The following GSE1 variants were observed in gnomAD, a reference collection of about 807,000 sequenced individuals.
The protein encoded by GSE1 is Gse1 coiled-coil protein.
GSE1 carries 32 observed loss-of-function variants against 112.6 expected under a neutral mutation model. The ratio of observed to expected loss-of-function variants is 0.28; its 90% CI spans 0.21 to 0.38. The LOEUF is 0.38. Ranked by LOEUF, GSE1 falls within the 10% of genes least tolerant of loss-of-function variation. The pLI is 1.00. For synonymous variants in GSE1, 1,115 were observed against 735.6 expected, an observed-to-expected ratio of 1.52 and a Z score of -8.35; for missense variants, 2,348 against 1,699.2, an observed-to-expected ratio of 1.38 and a Z score of -6.71.
intron 1 of GSE1, among the ~76,000 whole-genome samples, chr16:85,618,773 G>A (rs1009303743): frequency 1.3e-5 from 2 of 152,220 alleles, no homozygotes; most frequent in African/African-American, 4.8e-5. Context: ...TCCTGCTGCC[G>A]CAGCCTCCTG....
At chr16:85,471,332 T>G (rs1391120490) in intron 2 of GSE1, among the ~76,000 whole-genome samples, 10 of 152,252 alleles carry the variant, frequency 6.6e-5, no homozygotes, top group African/African-American at 2.4e-4. Context: ...TAGTCACAGT[T>G]TAAGATGAAG....
chr16:85,249,204 C>T (rs578021563), intron 1 of GSE1, among the ~76,000 whole-genome samples: 4 of 152,358 alleles, frequency 2.6e-5, no homozygotes, highest in Non-Finnish European at 4.4e-5. Flanking sequence ...GTGCAGACTT[C>T]ATGGTGCCCA....
intron 2 of GSE1, among the ~76,000 whole-genome samples, chr16:85,437,367 C>T (rs1400376064): frequency 6.6e-6 from 1 of 152,106 alleles, no homozygotes; most frequent in Non-Finnish European, 1.5e-5. Flanking sequence ...GCTTTTTTCC[C>T]TCTTCTCATT....
rs969883566 is a variant in GSE1, at chr16:85,643,845, C to T, written c.227-4707C>T. ...CATTGGCCCCAACTTTTCCCCTGGGCAGCAGGAGCCCGGATCATGAGCTCT... is the reference window on the plus strand; with the variant it reads ...CATTGGCCCCAACTTTTCCCCTGGGTAGCAGGAGCCCGGATCATGAGCTCT... On this transcript the variant is annotated intron_variant, in intron 2 of 15. Coordinates refer to ENST00000253458, the MANE Select transcript of GSE1 (RefSeq NM_014615.5). Among the ~76,000 whole-genome samples the T allele has an allele frequency of 2.0e-5, 3 of 152,094 alleles. 1 individual carries two copies. Among genetic ancestry groups the T allele is most frequent in the South Asian group, 4.1e-4 (2 of 4,822 alleles).
At chr16:85,624,114 C>T (rs1323361577) in intron 1 of GSE1, among the ~76,000 whole-genome samples, 1 of 152,226 alleles carries the variant, frequency 6.6e-6, no homozygotes, top group African/African-American at 2.4e-5. Context: ...CCTCCTCTTC[C>T]TGCTGGCCCA....
intron 1 of GSE1, among the ~76,000 whole-genome samples, chr16:85,557,380 C>G (rs1228625991): frequency 6.6e-6 from 1 of 151,930 alleles, no homozygotes; most frequent in Non-Finnish European, 1.5e-5. Flanking sequence ...CTTTGACACA[C>G]GGTACCTAAT....
In GSE1 at chr16:85,564,070, C is replaced by G. The variant is rs2045637942; in HGVS notation, c.37+7707C>G. 4.6e-5 allele frequency among the ~76,000 whole-genome samples: 7 copies of G among 152,310 alleles called. No individual in the cohort carries two copies. In the South Asian group the frequency reaches 1.2e-3, roughly 27 times the overall value. ...GCGTCAGTCCACTGGGCAGGAGCAG[C>G]AGAGGAGATCTATGTTTTATCTGTA... On this transcript the variant is annotated intron_variant, in intron 1 of 2. Coordinates refer to the GSE1 transcript ENST00000635906.
intron 1 of GSE1, among the ~76,000 whole-genome samples, chr16:85,218,510 C>G (rs560830001): frequency 6.6e-6 from 1 of 152,336 alleles, no homozygotes; most frequent in African/African-American, 2.4e-5. Flanking sequence ...ACGTGCCGCT[C>G]GTAGTGGTAA....
Position 85,672,522 on chromosome 16 carries a change from A to G in GSE1, c.3637A>G (p.Lys1213Glu). The G allele has an allele frequency of 6.2e-7, 1 of 1,608,550 alleles. No individual in the cohort carries two copies. The highest frequency in any genetic ancestry group is 8.5e-7 in the Non-Finnish European group (1 of 1,175,552). The change falls in exon 16 of 16, where the codon AAG (lysine) becomes GAG (glutamate). Residue 1213 changes from lysine (K) to glutamate (E), a missense_variant. By Grantham distance (56) the Lys-to-Glu change is moderately conservative. Transcript: ENST00000253458. The stretch of plus-strand genomic sequence containing the variant: ...AATGCACTGGCCTAGGGGCTACCTG[A>G]AGGGATATCCCAGGTGACGGTTTCC... ...PAMHWPRGYLKGYPR is the reference protein window; with the variant it reads ...PAMHWPRGYLEGYPR
intron 1 of GSE1, among the ~76,000 whole-genome samples, chr16:85,354,382 A>G (rs911970220): frequency 6.6e-6 from 1 of 152,282 alleles, no homozygotes; most frequent in Non-Finnish European, 1.5e-5. Flanking sequence ...GCTAATCAGT[A>G]CAAAGCCCTA....
upstream of GSE1, among the ~76,000 whole-genome samples, chr16:85,607,503 C>T (rs1050491097): frequency 4.6e-5 from 7 of 152,176 alleles, no homozygotes; most frequent in East Asian, 1.9e-4. Context: ...GTGCGGGGTG[C>T]GGATTGGAAC....
At chr16:85,314,501 T>C (rs1597374012) in intron 1 of GSE1, among the ~76,000 whole-genome samples, 1 of 151,964 alleles carries the variant, frequency 6.6e-6, no homozygotes, top group East Asian at 1.9e-4. Flanking sequence ...GCCAGGCTGG[T>C]CATCCCACTG....
intron 1 of GSE1, among the ~76,000 whole-genome samples, chr16:85,616,212 T>A (rs1054592917): frequency 6.6e-6 from 1 of 152,228 alleles, no homozygotes; most frequent in Non-Finnish European, 1.5e-5. Flanking sequence ...CTTGAGCCCC[T>A]GGAGCAGGTA....
intron 2 of GSE1, among the ~76,000 whole-genome samples, chr16:85,411,971 C>G (rs1191052192): frequency 5.7e-4 from 1 of 1,746 alleles, no homozygotes. Flanking sequence ...TACACTCAGG[C>G]CCCCCGGATA....
intron 2 of GSE1, among the ~76,000 whole-genome samples, chr16:85,451,198 C>T (rs997457831): frequency 1.6e-4 from 24 of 152,070 alleles, no homozygotes; most frequent in African/African-American, 5.6e-4. Context: ...AAAACCACCA[C>T]CATAATTTAC....
chr16:85,452,113 C>T (rs190760636), intron 2 of GSE1, among the ~76,000 whole-genome samples: 13 of 152,194 alleles, frequency 8.5e-5, no homozygotes, highest in African/African-American at 2.6e-4. Context: ...CCGTGTCCGG[C>T]GCGAATAATT....
chr16:85,509,837 G>T (rs2051672445), intron 2 of GSE1, among the ~76,000 whole-genome samples: 1 of 152,082 alleles, frequency 6.6e-6, no homozygotes, highest in South Asian at 2.1e-4. Flanking sequence ...AACCTTGGAG[G>T]TGTTTGGAAG....
At chr16:85,404,401 CT>C (rs1216434549) in intron 2 of GSE1, among the ~76,000 whole-genome samples, 1 of 16,726 alleles carries the variant, frequency 6.0e-5, no homozygotes, top group Admixed American at 3.9e-4. Flanking sequence ...CTCAGGCCCC[CT>C]GGATAATCCT....
chr16:85,547,028 C>T (rs148169131), intron 2 of GSE1, among the ~76,000 whole-genome samples: 2,123 of 152,298 alleles, frequency 0.014, 24 homozygotes, highest in Middle Eastern at 0.037. Context: ...GGAGTGTGGA[C>T]GTGAGTTTTG....
Sources: allele counts gnomAD v4.1 joint callset (sites outside exome capture counted in the v4.1 genomes callset), GRCh38; gene constraint gnomAD v4.1.1; transcripts MANE v1.5; gene names NCBI Gene and HGNC (gene_info 2026-07-23, HGNC 2026-07-21).